Variants in FOXN3 observed in about 807,000 individuals in gnomAD.
FOXN3 encodes forkhead box N3.
A neutral mutation model predicts 38.4 loss-of-function variants in FOXN3; 7 were observed. The observed-to-expected ratio is 0.18, with a 90% CI of 0.10 to 0.34. The LOEUF (loss-of-function observed/expected upper bound fraction) is 0.34. FOXN3 is among the 10% of genes least tolerant of loss of function. The pLI, the probability that FOXN3 is intolerant of heterozygous loss-of-function variation, is 1.00. For missense variants in FOXN3, 456 were observed against 613.4 expected (o/e 0.74, Z 2.71); for synonymous variants, 230 against 242.2 (o/e 0.95, Z 0.47).
intron 4 of FOXN3, chr14:89,230,964 G>A: frequency 2.3e-6 from 1 of 438,214 alleles, no homozygotes; most frequent in Non-Finnish European, 4.6e-6. Context: ...GGCGTCTACT[G>A]GAGTAGCACA....
intron 4 of FOXN3, among the ~76,000 whole-genome samples, chr14:89,202,145 C>G (rs1183310478): frequency 6.6e-6 from 1 of 152,214 alleles, no homozygotes; most frequent in East Asian, 1.9e-4. Context: ...GTCTTCCTCC[C>G]TAATGCTCGA....
chr14:89,241,048 A>C (rs1465280162), intron 4 of FOXN3, among the ~76,000 whole-genome samples: 1 of 152,086 alleles, frequency 6.6e-6, no homozygotes, highest in Non-Finnish European at 1.5e-5. Flanking sequence ...GTTAGCAGTG[A>C]CTCTGACAAG....
chr14:89,213,334 G>A (rs545408267), intron 4 of FOXN3, among the ~76,000 whole-genome samples: 1 of 152,338 alleles, frequency 6.6e-6, no homozygotes, highest in Admixed American at 6.5e-5. Context: ...CCCCAAGACA[G>A]GGGCTCATTC....
chr14:89,468,021 A>AATATGAGCAT (rs1419395085), intron 1 of FOXN3, among the ~76,000 whole-genome samples: 1 of 151,248 alleles, frequency 6.6e-6, no homozygotes, highest in Non-Finnish European at 1.5e-5. Flanking sequence ...TAATAATTAA[A>AATATGAGCAT]ATATGAGCAT....
chr14:89,395,180 T>C (rs1414878637), intron 2 of FOXN3, among the ~76,000 whole-genome samples: 1 of 152,248 alleles, frequency 6.6e-6, no homozygotes, highest in Non-Finnish European at 1.5e-5. Flanking sequence ...CTGATGCTCA[T>C]GTGTCTAACA....
chr14:89,434,774 T>G (rs2140116523), intron 1 of FOXN3, among the ~76,000 whole-genome samples: 1 of 152,332 alleles, frequency 6.6e-6, no homozygotes, highest in South Asian at 2.1e-4. Context: ...GACAAAAATC[T>G]GATGGATTCT....
intron 4 of FOXN3, among the ~76,000 whole-genome samples, chr14:89,265,945 C>G (rs1287437814): frequency 6.6e-6 from 1 of 152,186 alleles, no homozygotes; most frequent in Non-Finnish European, 1.5e-5. Flanking sequence ...CTTAGCCAGA[C>G]TTGCCTCACT....
intron 3 of FOXN3, among the ~76,000 whole-genome samples, chr14:89,342,606 C>T (rs1043924834): frequency 6.6e-6 from 1 of 152,048 alleles, no homozygotes; most frequent in African/African-American, 2.4e-5. Context: ...TATTCTTCAT[C>T]CCCTCCAATT....
At chr14:89,281,097 C>A in intron 3 of FOXN3, 83 bp from the exon 4 acceptor site, 1 of 1,248,612 alleles carries the variant, frequency 8.0e-7, no homozygotes, top group Non-Finnish European at 1.2e-6. Flanking sequence ...TCCCTCAAAA[C>A]ATTTCCCCAA....
intron 3 of FOXN3, among the ~76,000 whole-genome samples, chr14:89,326,838 G>A (rs1888096501): frequency 6.6e-6 from 1 of 152,140 alleles, no homozygotes; most frequent in African/African-American, 2.4e-5. Context: ...GCATAAAGTA[G>A]GAAGAATAGA....
At chr14:89,612,978 G>A (rs536892061) in intron 1 of FOXN3, among the ~76,000 whole-genome samples, 8 of 151,980 alleles carry the variant, frequency 5.3e-5, no homozygotes, top group Admixed American at 3.3e-4. Context: ...TTAGCCAGGC[G>A]TGGTGGCACG....
intron 4 of FOXN3, among the ~76,000 whole-genome samples, chr14:89,266,715 G>C (rs963617376): frequency 6.6e-6 from 1 of 152,136 alleles, no homozygotes. Flanking sequence ...TCAGATCCTG[G>C]GGGAAATAAG....
intron 4 of FOXN3, among the ~76,000 whole-genome samples, chr14:89,258,587 A>G (rs1409841835): frequency 6.6e-6 from 1 of 152,216 alleles, no homozygotes; most frequent in Non-Finnish European, 1.5e-5. Flanking sequence ...TCTAAAATGT[A>G]TTTTCCCAGA....
At chr14:89,445,542 G>A (rs889525759) in intron 1 of FOXN3, among the ~76,000 whole-genome samples, 4 of 152,170 alleles carry the variant, frequency 2.6e-5, no homozygotes, top group Non-Finnish European at 5.9e-5. Context: ...GATTCCTGGA[G>A]GACCTGGGCC....
intron 3 of FOXN3, among the ~76,000 whole-genome samples, chr14:89,285,827 T>C (rs958374050): frequency 2.6e-5 from 4 of 151,632 alleles, no homozygotes; most frequent in Non-Finnish European, 4.4e-5. Flanking sequence ...ACTTACAAAA[T>C]AGTTAAGATG....
At chr14:89,197,256 C>A (rs1440034895) in intron 4 of FOXN3, among the ~76,000 whole-genome samples, 3 of 152,058 alleles carry the variant, frequency 2.0e-5, no homozygotes, top group African/African-American at 7.2e-5. Flanking sequence ...GCCAGTAATC[C>A]CACCACTTTG....
chr14:89,214,479 T>C (rs1424953984), intron 4 of FOXN3, among the ~76,000 whole-genome samples: 1 of 152,218 alleles, frequency 6.6e-6, no homozygotes, highest in African/African-American at 2.4e-5. Context: ...CTGGGCTCCA[T>C]GCCACTCACT....
At chr14:89,285,201 T>C (rs893801555) in intron 3 of FOXN3, among the ~76,000 whole-genome samples, 2 of 152,182 alleles carry the variant, frequency 1.3e-5, no homozygotes, top group Non-Finnish European at 2.9e-5. Flanking sequence ...AGATCTCACC[T>C]GCCAAATGTG....
intron 1 of FOXN3, among the ~76,000 whole-genome samples, chr14:89,546,146 A>C (rs1254194656): frequency 6.6e-6 from 1 of 152,124 alleles, no homozygotes; most frequent in Non-Finnish European, 1.5e-5. Context: ...TAGAAAGAAG[A>C]ACCTATGGTA....
Sources: allele counts gnomAD v4.1 joint callset (sites outside exome capture counted in the v4.1 genomes callset), GRCh38; gene constraint gnomAD v4.1.1; transcripts MANE v1.5; gene names NCBI Gene and HGNC (gene_info 2026-07-23, HGNC 2026-07-21).